Variants in FASTKD1 observed in about 807,000 individuals in gnomAD.
FASTKD1 encodes the protein FAST kinase domains 1.
In FASTKD1, 94 loss-of-function variants were observed where a neutral mutation model predicts 90.9. The ratio of observed to expected loss-of-function variants is 1.03; its 90% confidence interval spans 0.88 to 1.23. The LOEUF is 1.23. Ranked by LOEUF, FASTKD1 falls within the 50% of genes most tolerant of loss-of-function variation. FASTKD1 has a pLI of 0.00. For synonymous variants in FASTKD1, 319 were observed against 345.8 expected, an observed-to-expected ratio of 0.92 and a Z score of 0.86; for missense variants, 945 against 993.5, an observed-to-expected ratio of 0.95 and a Z score of 0.66.
intron 7 of FASTKD1, among the ~76,000 whole-genome samples, chr2:169,548,911 G>T (rs775377193): frequency 6.6e-6 from 1 of 151,374 alleles, no homozygotes; most frequent in Non-Finnish European, 1.5e-5. Flanking sequence ...TGGCTAACAT[G>T]GTGAAACACC....
chr2:169,562,054 T>TTTG lies in FASTKD1; in HGVS notation c.572+1170_572+1171insCAA, dbSNP rs1559157531. On this transcript the variant is annotated intron_variant, in intron 4 of 14. Transcript: ENST00000453153. Reference sequence around the variant, plus strand: ...TTATTAATTTATTGTAAATTAATTATTTATTAATTTATTGTAAAATAATTA... The same window carrying TTTG: ...TTATTAATTTATTGTAAATTAATTATTTGTTATTAATTTATTGTAAAATAATTA... Among the ~76,000 whole-genome samples the TTTG allele has an allele frequency of 2.9e-4, 37 of 129,442 alleles. 10 individuals carry two copies. Among genetic ancestry groups the TTTG allele is most frequent in the South Asian group, 6.7e-4 (3 of 4,476 alleles). The allele number at this position is 129,442 out of a possible 152,430, so 84.9% of individuals were successfully genotyped here.
chr2:169,551,841 A>G (rs1435305962), intron 7 of FASTKD1, among the ~76,000 whole-genome samples: 1 of 152,194 alleles, frequency 6.6e-6, no homozygotes, highest in Non-Finnish European at 1.5e-5. Flanking sequence ...TAAAGTATAA[A>G]GGCAAAACCA....
In FASTKD1 at chr2:169,530,610, T is replaced by A; in HGVS notation, c.2419A>T (p.Ile807Phe). Residue 807 changes from isoleucine to phenylalanine, a missense_variant, in exon 14 of 15, where the codon ATT becomes TTT. By Grantham distance (21) the Ile-to-Phe change is conservative. Transcript: ENST00000453153. ...ACCTGAATTACACGATACCCCAGAATTTCCAAATGTCGTTTTTTCATAGCA... is the reference window on the plus strand; with the variant it reads ...ACCTGAATTACACGATACCCCAGAAATTCCAAATGTCGTTTTTTCATAGCA... ...KSAMKKRHLE[I>F]LGYRVIQISQ... is the part of the protein sequence containing the mutation. 2 of 1,607,236 alleles carry A rather than the reference T, an allele frequency of 1.2e-6. No homozygotes were observed. Among genetic ancestry groups the A allele is most frequent in the Non-Finnish European group, 1.7e-6 (2 of 1,177,342 alleles).
At chr2:169,557,113 C>G in intron 6 of FASTKD1, 74 bp downstream of exon 6, 3 of 941,704 alleles carry the variant, frequency 3.2e-6, no homozygotes, top group Non-Finnish European at 5.2e-6. Flanking sequence ...AAGAAGAAAA[C>G]CATTTTTCCT....
chr2:169,541,874 G>A (rs972656125), intron 9 of FASTKD1, among the ~76,000 whole-genome samples: 16 of 152,034 alleles, frequency 1.1e-4, no homozygotes, highest in African/African-American at 3.9e-4. Flanking sequence ...ATCTACTCCT[G>A]CCACACTGAA....
chr2:169,563,677 A>G (rs190586996), intron 3 of FASTKD1, among the ~76,000 whole-genome samples: 258 of 152,272 alleles, frequency 1.7e-3, no homozygotes, highest in African/African-American at 5.9e-3. Context: ...TAGGAGAAAT[A>G]ATCCAATTTC....
intron 13 of FASTKD1, 26 bp from the exon 14 acceptor site, chr2:169,530,727 T>A: frequency 8.3e-7 from 1 of 1,210,246 alleles, no homozygotes; most frequent in South Asian, 1.3e-5. Context: ...AAATATTTAC[T>A]CCTAAAATCA....
chr2:169,531,020 G>A (rs1684459712), intron 13 of FASTKD1: 2 of 663,778 alleles, frequency 3.0e-6, no homozygotes, highest in East Asian at 3.2e-5. Context: ...GAGAACACAT[G>A]ATGTATAGTA....
rs773537219 is a variant in FASTKD1, at chr2:169,546,523, G to A, written c.1396C>T (p.His466Tyr). 1 of 1,614,052 alleles carries A rather than the reference G, an allele frequency of 6.2e-7. No individual in the cohort carries two copies. The highest frequency in any genetic ancestry group is 8.5e-7 in the Non-Finnish European group (1 of 1,180,002). Reference protein sequence around the residue: ...TSVLRWIQHDHMYLDNMTAKQ... With the variant: ...TSVLRWIQHDYMYLDNMTAKQ... ...GCAGTCATATTATCCAAATACATGT[G>A]ATCATGCTGAATCCATCTTAAAACA... is the stretch of plus-strand genomic sequence containing the variant. The change falls in exon 8 of 15, where the codon CAC becomes TAC. Residue 466 changes from histidine (H) to tyrosine (Y), a missense_variant. Physicochemically the swap from His to Tyr is moderately conservative, Grantham distance 83. Transcript: ENST00000453153.
intron 3 of FASTKD1, among the ~76,000 whole-genome samples, chr2:169,564,287 AG>A (rs1272466330): frequency 2.0e-5 from 3 of 152,162 alleles, no homozygotes; most frequent in Non-Finnish European, 4.4e-5. Flanking sequence ...AACACAGACA[AG>A]GTACTAGGTA....
chr2:169,561,864 TA>T (rs1683662160), intron 4 of FASTKD1, among the ~76,000 whole-genome samples: 37 of 19,416 alleles, frequency 1.9e-3, no homozygotes, highest in South Asian at 5.6e-3. Context: ...TATTGTAAAA[TA>T]ATTATTTATT....
intron 3 of FASTKD1, among the ~76,000 whole-genome samples, chr2:169,563,771 A>G (rs944480078): frequency 1.3e-5 from 2 of 152,218 alleles, no homozygotes; most frequent in Admixed American, 1.3e-4. Flanking sequence ...AAAAACAAGC[A>G]TAAGAAAATT....
intron 4 of FASTKD1, among the ~76,000 whole-genome samples, chr2:169,562,242 T>C (rs560478215): frequency 2.6e-5 from 4 of 151,932 alleles, no homozygotes; most frequent in African/African-American, 9.6e-5. Flanking sequence ...TTTTTGTTAT[T>C]GTTGTTTTGA....
rs769844413 is a variant in FASTKD1 at position 169,544,793 on chromosome 2, C to G, written c.1744G>C (p.Val582Leu). ...TIPAIIRPFS[V>L]LNYDPPQRDE... is the part of the protein sequence containing the mutation. Reference sequence around the variant, plus strand: ...CTTTGAGGTGGATCATAGTTCAATACGCTGAATGGACGAATAATAGCAGGG... The same window carrying G: ...CTTTGAGGTGGATCATAGTTCAATAGGCTGAATGGACGAATAATAGCAGGG... The change falls in exon 9 of 15, where the codon GTA becomes CTA. Residue 582 changes from valine (V) to leucine (L), a missense_variant. Coordinates refer to ENST00000453153, the MANE Select transcript of FASTKD1 (RefSeq NM_024622.6). 2 of 1,612,420 alleles carry G rather than the reference C, an allele frequency of 1.2e-6. No individual in the cohort carries two copies. The highest frequency in any genetic ancestry group is 1.1e-5 in the South Asian group (1 of 90,960).
At chr2:169,562,031 A>AT (rs1683698024) in intron 4 of FASTKD1, among the ~76,000 whole-genome samples, 1 of 115,262 alleles carries the variant, frequency 8.7e-6, no homozygotes, top group South Asian at 2.7e-4. Flanking sequence ...TTAATTATTT[A>AT]TTAATTTATT....
intron 7 of FASTKD1, among the ~76,000 whole-genome samples, chr2:169,548,211 G>A (rs1009647297): frequency 5.3e-5 from 8 of 151,820 alleles, no homozygotes; most frequent in African/African-American, 1.5e-4. Context: ...AAAGAACTTG[G>A]GTTCAATTTC....
intron 2 of FASTKD1, 111 bp from the exon 3 acceptor site, chr2:169,569,363 C>A: frequency 2.0e-6 from 2 of 983,280 alleles, no homozygotes; most frequent in Admixed American, 1.9e-5. Context: ...TCCTCTTATA[C>A]AGGCAGTCCT....
chr2:169,538,099 A>T lies in FASTKD1; in HGVS notation c.1988T>A (p.Met663Lys). Residue 663 changes from methionine (M) to lysine (K), a missense_variant, in exon 11 of 15, where the codon ATG (methionine) becomes AAG (lysine). By Grantham distance (95) the Met-to-Lys change is moderately conservative. Coordinates refer to ENST00000453153, the MANE Select transcript of FASTKD1 (RefSeq NM_024622.6). Reference sequence around the variant, plus strand: ...CAAGCAGACTGATCTATTTAACTCCATAAGATGAAACTGGACTCTTGCACT... The same window carrying T: ...CAAGCAGACTGATCTATTTAACTCCTTAAGATGAAACTGGACTCTTGCACT... ...SRSARVQFHLMELNRSVCLEC... is the reference protein window; with the variant it reads ...SRSARVQFHLKELNRSVCLEC... The T allele has an allele frequency of 6.2e-7, 1 of 1,610,126 alleles. No homozygotes were observed. The highest frequency in any genetic ancestry group is 8.5e-7 in the Non-Finnish European group (1 of 1,178,482).
At chr2:169,562,210 T>G (rs1683731705) in intron 4 of FASTKD1, among the ~76,000 whole-genome samples, 1 of 151,414 alleles carries the variant, frequency 6.6e-6, no homozygotes, top group Non-Finnish European at 1.5e-5. Flanking sequence ...TGTTTCAAGT[T>G]TTGTTACTGT....
Sources: gnomAD v4.1 joint callset for allele counts (sites outside exome capture counted in the v4.1 genomes callset) on GRCh38, gnomAD v4.1.1 for gene constraint, MANE v1.5 for transcripts, NCBI Gene and HGNC (gene_info 2026-07-23, HGNC 2026-07-21) for gene names.